The following MAGI2 variants were observed in gnomAD, a reference collection of about 807,000 sequenced individuals.
The protein encoded by MAGI2 is membrane associated guanylate kinase, WW and PDZ domain containing 2.
In MAGI2, 35 loss-of-function variants were observed where a neutral mutation model predicts 133.3. The ratio of observed to expected loss-of-function variants is 0.26; its 90% CI spans 0.20 to 0.35. MAGI2 has a LOEUF of 0.35. Ranked by LOEUF, MAGI2 falls within the 10% of genes least tolerant of loss-of-function variation. The probability of loss-of-function intolerance (pLI) is 1.00; values close to 1 mark genes in which losing one functional copy is unlikely to be tolerated. For missense variants in MAGI2, 1,636 were observed against 1,863.4 expected (o/e 0.88, Z 2.25); for synonymous variants, 729 against 710.6 (o/e 1.03, Z -0.41).
chr7:78,255,489 G>A lies in MAGI2; in HGVS notation c.2047+454C>T, dbSNP rs551697954. The A allele has an allele frequency of 4.8e-5, 14 of 293,006 alleles. No homozygotes were observed. The East Asian group carries it at 1.5e-3, about 30-fold the overall frequency. The allele number at this position is 293,006 out of a possible 1,614,324, so 18.2% of individuals were successfully genotyped here. A position where few individuals can be genotyped will look rare whatever the true frequency, so the allele number is the denominator to read the frequency against. On this transcript the variant is annotated intron_variant, in intron 10 of 21. Coordinates refer to ENST00000354212, the MANE Select transcript of MAGI2 (RefSeq NM_012301.4). ...GGTCCTTCTGAGTATTGTCAAGACT[G>A]TGCTTGGGCTTAGTAGGGGTTGAAC...
chr7:79,394,154 C>T (rs1349454975), intron 1 of MAGI2, among the ~76,000 whole-genome samples: 1 of 152,092 alleles, frequency 6.6e-6, no homozygotes, highest in Non-Finnish European at 1.5e-5. Flanking sequence ...TCTATGCAGA[C>T]TCTAACCCTG....
At chr7:78,354,968 A>G (rs1374226400) in intron 7 of MAGI2, among the ~76,000 whole-genome samples, 2 of 152,176 alleles carry the variant, frequency 1.3e-5, no homozygotes, top group Admixed American at 1.3e-4. Flanking sequence ...ATAGAGGATA[A>G]AGGTTCAGCA....
At chr7:78,079,796 G>A (rs1277804159) in intron 20 of MAGI2, among the ~76,000 whole-genome samples, 1 of 152,188 alleles carries the variant, frequency 6.6e-6, no homozygotes, top group African/African-American at 2.4e-5. Flanking sequence ...TTTCAGAAAT[G>A]CCTGGGTTCC....
At chr7:78,825,385 T>A (rs1220405284) in intron 2 of MAGI2, among the ~76,000 whole-genome samples, 1 of 152,220 alleles carries the variant, frequency 6.6e-6, no homozygotes, top group Non-Finnish European at 1.5e-5. Flanking sequence ...TTTAGCATTA[T>A]AAATATATGT....
intron 16 of MAGI2, among the ~76,000 whole-genome samples, chr7:78,145,106 A>AT (rs2150567518): frequency 6.6e-6 from 1 of 152,242 alleles, no homozygotes; most frequent in Non-Finnish European, 1.5e-5. Context: ...AAATACATTT[A>AT]TTTTTACCTT....
chr7:78,940,795 G>T (rs528346672), intron 2 of MAGI2: 4 of 152,256 alleles, frequency 2.6e-5, no homozygotes, highest in East Asian at 1.9e-4. Context: ...AGGTCAGAAG[G>T]TCCCCAGAAA....
intron 1 of MAGI2, among the ~76,000 whole-genome samples, chr7:79,422,595 G>C (rs1847045398): frequency 6.6e-6 from 1 of 151,918 alleles, no homozygotes. Context: ...TCAGATTTAT[G>C]GCTTCATGCA....
In MAGI2 at chr7:79,240,358, G is replaced by GAA. The variant is rs762841388; in HGVS notation, c.301+212660_301+212661dup. ...GGAGAAAGTGGTGGTTTATCAGAAT[G>GAA]AAAAAAAAAAAAAAAAGAAAAGGGA... On this transcript the variant is annotated intron_variant, in intron 1 of 21. Coordinates refer to ENST00000354212, the MANE Select transcript of MAGI2 (RefSeq NM_012301.4). Among the ~76,000 whole-genome samples the GAA allele has an allele frequency of 5.4e-3, 477 of 88,414 alleles. 2 individuals carry two copies. The highest frequency in any genetic ancestry group is 0.017 in the African/African-American group (442 of 26,056). 58.0% of individuals were successfully genotyped at this position (88,414 alleles called of 152,430 possible).
intron 16 of MAGI2, among the ~76,000 whole-genome samples, chr7:78,136,459 C>A (rs1584090334): frequency 1.3e-5 from 2 of 152,022 alleles, no homozygotes; most frequent in African/African-American, 4.8e-5. Context: ...GTGAGGAGAG[C>A]CACACACATG....
chr7:79,386,535 C>T (rs1844194653), intron 1 of MAGI2, among the ~76,000 whole-genome samples: 1 of 151,974 alleles, frequency 6.6e-6, no homozygotes, highest in Admixed American at 6.6e-5. Flanking sequence ...TCTTAACTAA[C>T]AGGTGGGGCT....
intron 9 of MAGI2, among the ~76,000 whole-genome samples, chr7:78,280,794 T>C (rs1483047236): frequency 8.4e-6 from 1 of 119,146 alleles, no homozygotes; most frequent in African/African-American, 3.3e-5. Flanking sequence ...GTCAAGTCCC[T>C]CCCCCGACCA....
intron 20 of MAGI2, among the ~76,000 whole-genome samples, chr7:78,095,658 C>A (rs1817629595): frequency 6.6e-6 from 1 of 152,112 alleles, no homozygotes; most frequent in Non-Finnish European, 1.5e-5. Flanking sequence ...TATATGATAC[C>A]TTTTTCCCTC....
chr7:78,431,764 A>G (rs1799816112), intron 6 of MAGI2, among the ~76,000 whole-genome samples: 1 of 151,984 alleles, frequency 6.6e-6, no homozygotes, highest in Non-Finnish European at 1.5e-5. Context: ...GGTTGAGTGC[A>G]TATACTCACT....
rs140542015 is a variant in MAGI2, at chr7:78,478,215, T to A, written c.1045+11546A>T. Among the ~76,000 whole-genome samples, 1,145 of 152,032 alleles carry A rather than the reference T, an allele frequency of 7.5e-3. 6 individuals carry two copies. Among genetic ancestry groups the A allele is most frequent in the Non-Finnish European group, 0.013 (857 of 67,886 alleles). On this transcript the variant is annotated intron_variant, in intron 6 of 21. Transcript: ENST00000354212. The stretch of plus-strand genomic sequence containing the variant: ...TATGTGGTATTTGGTTTTCTGTTCT[T>A]GTGTTAGTTTGCTGAGAATTATGGT...
At chr7:78,838,976 G>T (rs1295422217) in intron 2 of MAGI2, among the ~76,000 whole-genome samples, 1 of 152,032 alleles carries the variant, frequency 6.6e-6, no homozygotes, top group Non-Finnish European at 1.5e-5. Context: ...CTCAACTTAT[G>T]TGCATATGTT....
intron 1 of MAGI2, chr7:79,173,119 A>G (rs998095585): frequency 2.0e-5 from 3 of 152,058 alleles, no homozygotes; most frequent in Non-Finnish European, 4.4e-5. Context: ...ATTTTCTTAC[A>G]TAAAATAATG....
chr7:78,564,816 CGG>C (rs1800771154), intron 3 of MAGI2, among the ~76,000 whole-genome samples: 1 of 55,456 alleles, frequency 1.8e-5, no homozygotes, highest in Non-Finnish European at 3.4e-5. Flanking sequence ...TTTTTTGAGA[CGG>C]AGTCTTGCTC....
chr7:78,629,725 CT>C (rs1808760904), intron 2 of MAGI2, among the ~76,000 whole-genome samples: 1 of 17,098 alleles, frequency 5.8e-5, no homozygotes, highest in Admixed American at 7.0e-4. Context: ...GTCTTCTTGT[CT>C]CTCTCTCTTA....
intron 10 of MAGI2, among the ~76,000 whole-genome samples, chr7:78,230,269 AT>A (rs1173963467): frequency 5.3e-5 from 8 of 152,226 alleles, no homozygotes; most frequent in African/African-American, 1.9e-4. Flanking sequence ...TTTATATGAC[AT>A]TGATAATTTA....
Sources: gnomAD v4.1 joint callset for allele counts (sites outside exome capture counted in the v4.1 genomes callset) on GRCh38, gnomAD v4.1.1 for gene constraint, MANE v1.5 for transcripts, NCBI Gene and HGNC (gene_info 2026-07-23, HGNC 2026-07-21) for gene names.